CAMK1D: variants seen among roughly 807,000 people sequenced by gnomAD.
CAMK1D encodes calcium/calmodulin-dependent protein kinase type 1D.
A neutral mutation model predicts 47.7 loss-of-function variants in CAMK1D; 9 were observed. That is an observed-to-expected ratio of 0.19 (90% CI 0.11 to 0.33). The LOEUF is 0.33. CAMK1D is among the 10% of genes least tolerant of loss of function. The pLI is 1.00. For synonymous variants in CAMK1D, 184 were observed against 184.9 expected, an observed-to-expected ratio of 0.99 and a Z score of 0.04; for missense variants, 291 against 488.7, an observed-to-expected ratio of 0.60 and a Z score of 3.81.
intron 1 of CAMK1D, among the ~76,000 whole-genome samples, chr10:12,442,154 TATGA>T (rs1223403052): frequency 6.6e-6 from 1 of 152,172 alleles, no homozygotes; most frequent in African/African-American, 2.4e-5. Context: ...CTCAAGGACC[TATGA>T]AGGTAGTCTT....
At chr10:12,767,959 GC>G (rs1183381942) in intron 4 of CAMK1D, among the ~76,000 whole-genome samples, 1 of 152,082 alleles carries the variant, frequency 6.6e-6, no homozygotes, top group Non-Finnish European at 1.5e-5. Flanking sequence ...TGCAACCTCC[GC>G]CTCCTGGGTT....
At chr10:12,378,960 C>T (rs187156337) in intron 1 of CAMK1D, among the ~76,000 whole-genome samples, 1 of 152,042 alleles carries the variant, frequency 6.6e-6, no homozygotes, top group Non-Finnish European at 1.5e-5. Flanking sequence ...CAGGCACATA[C>T]CAGCATGCCC....
chr10:12,722,255 A>C (rs1002787189), intron 3 of CAMK1D, among the ~76,000 whole-genome samples: 8 of 151,776 alleles, frequency 5.3e-5, no homozygotes, highest in Admixed American at 1.3e-4. Context: ...CATCCCGGGG[A>C]TAACACAGTG....
At chr10:12,668,105 T>C (rs974648763) in intron 3 of CAMK1D, among the ~76,000 whole-genome samples, 1 of 152,322 alleles carries the variant, frequency 6.6e-6, no homozygotes, top group South Asian at 2.1e-4. Context: ...TTCTTCTGTT[T>C]GCGTTACACT....
chr10:12,471,729 T>G (rs1588523553), intron 1 of CAMK1D, among the ~76,000 whole-genome samples: 1 of 151,998 alleles, frequency 6.6e-6, no homozygotes, highest in Non-Finnish European at 1.5e-5. Context: ...TAAGGAGAGA[T>G]ATGTTGAAAA....
rs549646087 is a variant in CAMK1D at position 12,728,073 on chromosome 10, C to T, written c.300-32875C>T. 9.6e-4 allele frequency among the ~76,000 whole-genome samples: 146 copies of T among 152,296 alleles called. 1 individual carries two copies. Among genetic ancestry groups the T allele is most frequent in the African/African-American group, 3.3e-3 (139 of 41,570 alleles). On this transcript the variant is annotated intron_variant, in intron 3 of 10. Coordinates refer to ENST00000619168, the MANE Select transcript of CAMK1D (RefSeq NM_153498.4). ...GAGTCACAGCTCCCGGCCTTGATTACAGCCGTTTATCCTGACAAATGTGTC... is the reference window on the plus strand; with the variant it reads ...GAGTCACAGCTCCCGGCCTTGATTATAGCCGTTTATCCTGACAAATGTGTC...
At chr10:12,515,106 AC>A (rs111854117) in intron 1 of CAMK1D, among the ~76,000 whole-genome samples, 1 of 150,256 alleles carries the variant, frequency 6.7e-6, no homozygotes, top group Non-Finnish European at 1.5e-5. Context: ...CAGGTGATCC[AC>A]CCCCCTTGGC....
intron 3 of CAMK1D, among the ~76,000 whole-genome samples, chr10:12,753,825 TACTGGGCCTTGGCTGCCC>T (rs1397304945): frequency 3.5e-4 from 54 of 152,368 alleles, no homozygotes; most frequent in African/African-American, 1.1e-3. Flanking sequence ...TAATTCCATT[TACTGGGCCTTGGCTGCCC>T]ACTGGGCTTC....
At chr10:12,729,812 C>G (rs1015539191) in intron 3 of CAMK1D, among the ~76,000 whole-genome samples, 1 of 152,034 alleles carries the variant, frequency 6.6e-6, no homozygotes. Context: ...TAAGTGAGGA[C>G]ACCCGAAGTG....
chr10:12,415,194 G>A (rs536225893), intron 1 of CAMK1D, among the ~76,000 whole-genome samples: 17 of 117,712 alleles, frequency 1.4e-4, no homozygotes, highest in Admixed American at 9.2e-4. Context: ...TAAAATGCAT[G>A]TGATATTTCT....
At chr10:12,684,856 A>G (rs190797811) in intron 3 of CAMK1D, among the ~76,000 whole-genome samples, 71 of 152,292 alleles carry the variant, frequency 4.7e-4, no homozygotes, top group African/African-American at 1.7e-3. Context: ...AGTTTACTGT[A>G]TAAAACAGGC....
At position 12,633,479 on chromosome 10, in the gene CAMK1D, G is replaced by A. The variant is rs117971365; in HGVS notation, c.225-33257G>A. On this transcript the variant is annotated intron_variant, in intron 2 of 10. Transcript: ENST00000619168. ...TGGGCATGATGCGCTTATTAACAGC[G>A]TCCTTATATCCCTGAGCAGACACTC... Among the ~76,000 whole-genome samples the A allele has an allele frequency of 2.1e-4, 32 of 152,244 alleles. No individual in the cohort carries two copies. In the East Asian group the frequency reaches 2.1e-3, roughly 10 times the overall value.
At chr10:12,632,984 C>T (rs542054748) in intron 2 of CAMK1D, among the ~76,000 whole-genome samples, 10 of 152,258 alleles carry the variant, frequency 6.6e-5, no homozygotes, top group Middle Eastern at 3.4e-3. Flanking sequence ...TGAGCCACGG[C>T]GCCTGGCTGA....
At chr10:12,401,471 T>C (rs998613946) in intron 1 of CAMK1D, among the ~76,000 whole-genome samples, 1 of 149,838 alleles carries the variant, frequency 6.7e-6, no homozygotes, top group South Asian at 2.1e-4. Context: ...AGCCTCTACT[T>C]TGTTCTTGGG....
At chr10:12,766,655 C>A (rs1414008692) in intron 4 of CAMK1D, among the ~76,000 whole-genome samples, 1 of 152,122 alleles carries the variant, frequency 6.6e-6, no homozygotes, top group Non-Finnish European at 1.5e-5. Context: ...GACTCTTTTA[C>A]CCTCACTATC....
At chr10:12,577,104 C>T (rs796386083) in intron 2 of CAMK1D, among the ~76,000 whole-genome samples, 16 of 152,302 alleles carry the variant, frequency 1.1e-4, no homozygotes, top group South Asian at 4.1e-4. Context: ...CAGGAGGTGA[C>T]GGCCACCTTG....
At chr10:12,673,895 G>T (rs937363737) in intron 3 of CAMK1D, among the ~76,000 whole-genome samples, 15 of 152,024 alleles carry the variant, frequency 9.9e-5, no homozygotes, top group Admixed American at 9.2e-4. Flanking sequence ...TTTTTGTTTG[G>T]CAAGGCTCAG....
chr10:12,638,563 C>G (rs1305354223), intron 2 of CAMK1D, among the ~76,000 whole-genome samples: 2 of 152,112 alleles, frequency 1.3e-5, no homozygotes, highest in African/African-American at 4.8e-5. Context: ...TTCCCTTGGC[C>G]CCCGACCCTG....
At chr10:12,786,909 G>A (rs2130984787) in intron 5 of CAMK1D, among the ~76,000 whole-genome samples, 1 of 152,346 alleles carries the variant, frequency 6.6e-6, no homozygotes, top group African/African-American at 2.4e-5. Context: ...GATCACCTGA[G>A]GTCAGGAGTT....
Sources: allele counts gnomAD v4.1 joint callset (sites outside exome capture counted in the v4.1 genomes callset), GRCh38; gene constraint gnomAD v4.1.1; transcripts MANE v1.5; gene names NCBI Gene and HGNC (gene_info 2026-07-23, HGNC 2026-07-21).